Variants in SLCO1A2 observed in about 807,000 individuals in gnomAD.
SLCO1A2 encodes the protein OATP-1.
In SLCO1A2, 67 loss-of-function variants were observed where a neutral mutation model predicts 69.0. That is an observed-to-expected ratio of 0.97 (90% CI 0.80 to 1.19). The LOEUF is 1.19. Among genes scored for constraint, SLCO1A2 ranks in the 50% most tolerant of loss-of-function variants. The pLI, the probability that SLCO1A2 is intolerant of heterozygous loss-of-function variation, is 0.00. For missense variants in SLCO1A2, 787 were observed against 793.7 expected (o/e 0.99, Z 0.10); for synonymous variants, 260 against 265.9 (o/e 0.98, Z 0.22).
At chr12:21,406,404 A>T (rs1454479572) in intron 1 of SLCO1A2, among the ~76,000 whole-genome samples, 1 of 152,232 alleles carries the variant, frequency 6.6e-6, no homozygotes, top group Non-Finnish European at 1.5e-5. Context: ...AAAACCTGGG[A>T]ATGGCTTCAA....
chr12:21,312,315 ATC>A (rs1320403634), intron 4 of SLCO1A2, among the ~76,000 whole-genome samples: 1 of 152,100 alleles, frequency 6.6e-6, no homozygotes, highest in Non-Finnish European at 1.5e-5. Context: ...CAGCTTCCTA[ATC>A]TCTCTTAACT....
intron 1 of SLCO1A2, among the ~76,000 whole-genome samples, chr12:21,381,030 T>C (rs1940554569): frequency 6.6e-6 from 1 of 152,148 alleles, no homozygotes; most frequent in South Asian, 2.1e-4. Flanking sequence ...CTAAAACTGA[T>C]GATCGGCAGC....
chr12:21,346,094 T>C (rs1953242809), intron 2 of SLCO1A2, among the ~76,000 whole-genome samples: 1 of 152,050 alleles, frequency 6.6e-6, no homozygotes, highest in South Asian at 2.1e-4. Flanking sequence ...GAAGAATGCA[T>C]TTATGAAGAA....
At chr12:21,315,850 G>A (rs889776852) in intron 3 of SLCO1A2, among the ~76,000 whole-genome samples, 8 of 152,180 alleles carry the variant, frequency 5.3e-5, no homozygotes, top group East Asian at 1.9e-4. Flanking sequence ...CCTTCTTCAC[G>A]TAAGAGTGAG....
chr12:21,274,609 A>C, intron 13 of SLCO1A2, 23 bp from the exon 14 acceptor site: 1 of 1,406,610 alleles, frequency 7.1e-7, no homozygotes, highest in Non-Finnish European at 1.0e-6. Context: ...GGGAAAGAAA[A>C]ATCTATCAAC....
chr12:21,402,011 G>A (rs1407116464), intron 1 of SLCO1A2, among the ~76,000 whole-genome samples: 2 of 151,244 alleles, frequency 1.3e-5, no homozygotes, highest in Non-Finnish European at 3.0e-5. Flanking sequence ...TAATATTCCT[G>A]CATAATCCAT....
chr12:21,342,636 A>G (rs1344940595), intron 2 of SLCO1A2, among the ~76,000 whole-genome samples: 4 of 152,070 alleles, frequency 2.6e-5, no homozygotes, highest in African/African-American at 9.7e-5. Flanking sequence ...AGCACGATAT[A>G]TAAGACAAAG....
At chr12:21,383,485 A>G (rs1462189546) in intron 1 of SLCO1A2, among the ~76,000 whole-genome samples, 1 of 151,930 alleles carries the variant, frequency 6.6e-6, no homozygotes, top group African/African-American at 2.4e-5. Flanking sequence ...GCTTTATACA[A>G]CTTGCTGCCT....
At chr12:21,357,718 AT>A (rs981737618) in intron 2 of SLCO1A2, among the ~76,000 whole-genome samples, 1 of 151,096 alleles carries the variant, frequency 6.6e-6, no homozygotes, top group African/African-American at 2.4e-5. Context: ...TTCTGTGTTT[AT>A]TTTTTTTGTT....
Position 21,264,965 on chromosome 12 carries a change from T to G in SLCO1A2, c.*4583A>C, listed in dbSNP as rs10841778. 8,320 of 152,318 alleles carry G rather than the reference T, an allele frequency of 0.055. 626 individuals are homozygous for G. The highest frequency in any genetic ancestry group is 0.35 in the East Asian group (1,774 of 5,140). 9.4% of individuals were successfully genotyped at this position (152,318 alleles called of 1,614,324 possible). A position where few individuals can be genotyped will look rare whatever the true frequency, so the allele number is the denominator to read the frequency against. On this transcript the variant is annotated 3_prime_UTR_variant, in exon 15 of 15. Coordinates refer to ENST00000683939, the MANE Select transcript of SLCO1A2 (RefSeq NM_001386879.1). ...TTCCCATGACTCTCTGAAACAGGCA[T>G]GATGCAGATTGGTTTAGGGGCATGA...
chr12:21,407,927 C>T (rs901149729), intron 1 of SLCO1A2, among the ~76,000 whole-genome samples: 1 of 151,900 alleles, frequency 6.6e-6, no homozygotes, highest in Non-Finnish European at 1.5e-5. Context: ...AAGATATGGT[C>T]AATGGGTATA....
At chr12:21,335,239 G>T (rs1237977457), upstream of SLCO1A2, among the ~76,000 whole-genome samples, 1 of 151,834 alleles carries the variant, frequency 6.6e-6, no homozygotes, top group Non-Finnish European at 1.5e-5. Flanking sequence ...GGAAACCTGG[G>T]GAGACACGGA....
At chr12:21,331,905 G>A (rs1952643976) in intron 2 of SLCO1A2, among the ~76,000 whole-genome samples, 1 of 152,062 alleles carries the variant, frequency 6.6e-6, no homozygotes, top group Admixed American at 6.6e-5. Flanking sequence ...TGGAGTGGGT[G>A]GGGGCTCCCA....
At chr12:21,337,913 A>G (rs891233938), upstream of SLCO1A2, among the ~76,000 whole-genome samples, 1 of 152,156 alleles carries the variant, frequency 6.6e-6, no homozygotes, top group South Asian at 2.1e-4. Flanking sequence ...AATGTTATCC[A>G]TACATGTGAT....
rs960794582 is a variant in SLCO1A2 at position 21,269,398 on chromosome 12, A to C, written c.*150T>G. 5.4e-6 allele frequency: 3 copies of C among 551,430 alleles called. No homozygotes were observed. In the African/African-American group the frequency reaches 5.8e-5, roughly 11 times the overall value. The allele number at this position is 551,430 out of a possible 1,614,324, so 34.2% of individuals were successfully genotyped here. The stretch of plus-strand genomic sequence containing the variant: ...GTGTCACTGATACCTTAGAAATATC[A>C]TTAGTGAACATTTTATTATTTTGAG... On this transcript the variant is annotated 3_prime_UTR_variant, in exon 15 of 15. Coordinates refer to ENST00000683939, the MANE Select transcript of SLCO1A2 (RefSeq NM_001386879.1).
rs1175271353 is a variant in SLCO1A2 at position 21,276,421 on chromosome 12, C to CACACAG, written c.1611-998_1611-997insCTGTGT. Among the ~76,000 whole-genome samples, 109 of 145,296 alleles carry CACACAG rather than the reference C, an allele frequency of 7.5e-4. 4 individuals are homozygous for CACACAG. The South Asian group carries it at 0.023, about 30-fold the overall frequency. Reference sequence around the variant, plus strand: ...ACACACACACACACACACACACACACACAGACCTATCTGTCCAAAATAGTG... The same window carrying CACACAG: ...ACACACACACACACACACACACACACACACAGACAGACCTATCTGTCCAAAATAGTG... On this transcript the variant is annotated intron_variant, in intron 12 of 14. Transcript: ENST00000683939.
At chr12:21,400,237 A>C (rs1207496298), upstream of SLCO1A2, among the ~76,000 whole-genome samples, 2 of 152,226 alleles carry the variant, frequency 1.3e-5, no homozygotes, top group African/African-American at 4.8e-5. Flanking sequence ...GACACTTCTC[A>C]AAAGAAGACA....
intron 1 of SLCO1A2, among the ~76,000 whole-genome samples, chr12:21,405,823 G>C (rs1436515566): frequency 2.0e-5 from 3 of 152,160 alleles, no homozygotes; most frequent in Non-Finnish European, 4.4e-5. Flanking sequence ...CAATGCTATG[G>C]AATGTTTAAA....
intron 2 of SLCO1A2, among the ~76,000 whole-genome samples, chr12:21,324,923 C>T (rs1952096014): frequency 6.6e-6 from 1 of 152,166 alleles, no homozygotes; most frequent in South Asian, 2.1e-4. Context: ...CCTATGCAAA[C>T]AATTTTTACT....
Sources: gnomAD v4.1 joint callset for allele counts (sites outside exome capture counted in the v4.1 genomes callset) on GRCh38, gnomAD v4.1.1 for gene constraint, MANE v1.5 for transcripts, NCBI Gene and HGNC (gene_info 2026-07-23, HGNC 2026-07-21) for gene names.